FAM171A1: variants seen among roughly 807,000 people sequenced by gnomAD.
FAM171A1 encodes the protein protein FAM171A1.
In FAM171A1, 23 loss-of-function variants were observed where a neutral mutation model predicts 74.9. The observed-to-expected ratio is 0.31, with a 90% CI of 0.22 to 0.44. FAM171A1 has a LOEUF of 0.44. FAM171A1 is among the 20% of genes least tolerant of loss of function. The pLI is 1.00. For missense variants in FAM171A1, 1,162 were observed against 1,159.2 expected (o/e 1.00, Z -0.03); for synonymous variants, 527 against 505.7 (o/e 1.04, Z -0.57).
intron 2 of FAM171A1, among the ~76,000 whole-genome samples, chr10:15,281,268 C>A (rs1170617054): frequency 6.6e-6 from 1 of 152,236 alleles, no homozygotes; most frequent in Non-Finnish European, 1.5e-5. Flanking sequence ...GCCAGTTACA[C>A]TTCTTTTCTT....
chr10:15,268,675 T>A lies in FAM171A1; in HGVS notation c.418+7180A>T, dbSNP rs571971923. ...TTGGAAGCCAGAGGCCTAGATGAGA[T>A]GTTTAGGACCAGAAAGAAGAAATGT... is the stretch of plus-strand genomic sequence containing the variant. On this transcript the variant is annotated intron_variant, in intron 3 of 7. Transcript: ENST00000378116. Among the ~76,000 whole-genome samples, 9 of 152,102 alleles carry A rather than the reference T, an allele frequency of 5.9e-5. No individual in the cohort carries two copies. The South Asian group carries it at 1.9e-3, about 32-fold the overall frequency.
At chr10:15,217,704 C>G (rs1833984163) in intron 6 of FAM171A1, among the ~76,000 whole-genome samples, 1 of 150,466 alleles carries the variant, frequency 6.6e-6, no homozygotes, top group African/African-American at 2.5e-5. Flanking sequence ...GTGGTGTGAT[C>G]TCAGCTCATT....
intron 1 of FAM171A1, among the ~76,000 whole-genome samples, chr10:15,320,708 C>G (rs973043284): frequency 2.0e-5 from 3 of 152,192 alleles, no homozygotes; most frequent in African/African-American, 7.2e-5. Flanking sequence ...CTGCATTTCT[C>G]TAATGATAAG....
chr10:15,331,301 G>C (rs1256458842), intron 1 of FAM171A1, among the ~76,000 whole-genome samples: 2 of 152,200 alleles, frequency 1.3e-5, no homozygotes, highest in Non-Finnish European at 2.9e-5. Flanking sequence ...CTGCGGCCTA[G>C]AAAAGTTGAA....
intron 1 of FAM171A1, among the ~76,000 whole-genome samples, chr10:15,284,309 A>G (rs892325170): frequency 1.3e-5 from 2 of 152,184 alleles, no homozygotes; most frequent in African/African-American, 4.8e-5. Flanking sequence ...CTTCAAAACC[A>G]CAGCCTGACC....
chr10:15,251,364 C>T (rs1307404365), intron 4 of FAM171A1, among the ~76,000 whole-genome samples: 34 of 151,322 alleles, frequency 2.2e-4, no homozygotes, highest in South Asian at 2.1e-4. Flanking sequence ...TTCCCAATGA[C>T]TCTCCCTCTA....
intron 5 of FAM171A1, 63 bp from the exon 6 acceptor site, chr10:15,221,123 A>G: frequency 7.3e-7 from 1 of 1,373,234 alleles, no homozygotes; most frequent in Non-Finnish European, 1.0e-6. Context: ...AGGCTTGAGC[A>G]TATTGTAAAA....
intron 4 of FAM171A1, among the ~76,000 whole-genome samples, chr10:15,253,544 A>C (rs999958917): frequency 3.9e-5 from 6 of 152,208 alleles, no homozygotes; most frequent in Non-Finnish European, 8.8e-5. Flanking sequence ...ACAAATCACC[A>C]TGTTGCCTTT....
intron 1 of FAM171A1, among the ~76,000 whole-genome samples, chr10:15,322,364 A>C (rs1835496953): frequency 1.3e-5 from 2 of 152,308 alleles, no homozygotes; most frequent in East Asian, 3.9e-4. Context: ...GTGTATTTTT[A>C]AAAGAGGAAT....
At chr10:15,322,298 C>T (rs112246735) in intron 1 of FAM171A1, among the ~76,000 whole-genome samples, 2,219 of 152,280 alleles carry the variant, frequency 0.015, 15 homozygotes, top group Non-Finnish European at 0.025. Context: ...GGTTCATGAC[C>T]AGGTTTTCTT....
Position 15,213,053 on chromosome 10 carries a change from C to T in FAM171A1, c.2535G>A (p.Glu845=). ...TTRRTADAPS[E]PAASPHQRRS... The stretch of plus-strand genomic sequence containing the variant: ...TTCTCTGGTGGGGGCTGGCTGCTGG[C>T]TCCGAGGGGGCATCCGCAGTCCGTC... Residue 845 remains glutamate (E), a synonymous_variant, in exon 8 of 8, where the codon GAG becomes GAA. Coordinates refer to ENST00000378116, the MANE Select transcript of FAM171A1 (RefSeq NM_001010924.2). This position sits in a 1 kb window ranked among gnomAD's most constrained non-coding sequence, Gnocchi z 6.8. 3.7e-6 allele frequency: 6 copies of T among 1,613,790 alleles called. No individual in the cohort carries two copies. Among genetic ancestry groups the T allele is most frequent in the Non-Finnish European group, 5.1e-6 (6 of 1,179,932 alleles).
At chr10:15,325,744 G>A (rs1204661417) in intron 1 of FAM171A1, among the ~76,000 whole-genome samples, 3 of 152,038 alleles carry the variant, frequency 2.0e-5, no homozygotes, top group Non-Finnish European at 4.4e-5. Context: ...CTTCGCCCAC[G>A]GTCGTGCTTG....
At chr10:15,260,181 C>A (rs1292033714) in intron 3 of FAM171A1, among the ~76,000 whole-genome samples, 1 of 152,086 alleles carries the variant, frequency 6.6e-6, no homozygotes, top group Non-Finnish European at 1.5e-5. Flanking sequence ...TCCCCTCATC[C>A]TACAGCTCAC....
intron 1 of FAM171A1, among the ~76,000 whole-genome samples, chr10:15,315,286 G>C (rs935257974): frequency 6.6e-6 from 1 of 152,174 alleles, no homozygotes; most frequent in African/African-American, 2.4e-5. Context: ...GGCGCAAGCT[G>C]TCTCATCTTC....
intron 5 of FAM171A1, among the ~76,000 whole-genome samples, chr10:15,235,296 T>C (rs1259673786): frequency 1.9e-5 from 2 of 103,516 alleles, no homozygotes; most frequent in Admixed American, 1.3e-4. Flanking sequence ...AGCGAGACTC[T>C]GTCTCAAAAA....
At chr10:15,281,068 T>C (rs1834962297) in intron 2 of FAM171A1, among the ~76,000 whole-genome samples, 1 of 152,216 alleles carries the variant, frequency 6.6e-6, no homozygotes, top group Non-Finnish European at 1.5e-5. Flanking sequence ...ATTCTTGTGA[T>C]CATGAGTGAG....
At chr10:15,246,920 G>A (rs979926017) in intron 5 of FAM171A1, among the ~76,000 whole-genome samples, 2 of 152,242 alleles carry the variant, frequency 1.3e-5, no homozygotes, top group South Asian at 2.1e-4. Context: ...GCACATGCTC[G>A]TGGGCTGGTA....
At chr10:15,293,624 G>T (rs1017175440) in intron 1 of FAM171A1, among the ~76,000 whole-genome samples, 1 of 152,064 alleles carries the variant, frequency 6.6e-6, no homozygotes, top group Non-Finnish European at 1.5e-5. Context: ...CAGAATCAAA[G>T]ATGCAAACAA....
At chr10:15,367,334 C>T (rs1045764628) in intron 1 of FAM171A1, among the ~76,000 whole-genome samples, 36 of 152,312 alleles carry the variant, frequency 2.4e-4, no homozygotes, top group African/African-American at 8.4e-4. Flanking sequence ...CTATAAGTTA[C>T]AAAGTATTAT....
Sources: gnomAD v4.1 joint callset for allele counts (sites outside exome capture counted in the v4.1 genomes callset) on GRCh38, gnomAD v4.1.1 for gene constraint, Gnocchi (gnomAD v3.1) non-coding constraint, MANE v1.5 for transcripts, NCBI Gene and HGNC (gene_info 2026-07-23, HGNC 2026-07-21) for gene names.